The following NIPAL3 variants were observed in gnomAD, a reference collection of about 807,000 sequenced individuals.
NIPAL3 encodes NIPA-like protein 3.
NIPAL3 carries 41 observed loss-of-function variants against 47.2 expected under a neutral mutation model. The observed-to-expected ratio is 0.87, with a 90% CI of 0.68 to 1.13. The LOEUF (loss-of-function observed/expected upper bound fraction) is 1.13, where lower values mean the gene tolerates loss of function less well. NIPAL3 is among the 50% of genes most tolerant of loss of function. NIPAL3 has a pLI of 0.00. For synonymous variants in NIPAL3, 194 were observed against 209.6 expected (o/e 0.93, Z 0.64); for missense variants, 449 against 530.1 (o/e 0.85, Z 1.50).
chr1:24,443,190 A>G (rs1264675666), intron 4 of NIPAL3, among the ~76,000 whole-genome samples: 1 of 152,208 alleles, frequency 6.6e-6, no homozygotes, highest in Non-Finnish European at 1.5e-5. Context: ...AAGACAAGGG[A>G]GCTTTAATGT....
chr1:24,419,508 C>T lies in NIPAL3; in HGVS notation c.-40C>T. On this transcript the variant is annotated 5_prime_UTR_variant, in exon 2 of 12. Coordinates refer to ENST00000374399, the MANE Select transcript of NIPAL3 (RefSeq NM_020448.5). ...GGGCCCCGCCTAGCAGCAGCTCCAC[C>T]TCCTAGGCCAGGCCCTGTGGGATGC... The T allele has an allele frequency of 2.6e-6, 4 of 1,555,994 alleles. No homozygotes were observed. Among genetic ancestry groups the T allele is most frequent in the Non-Finnish European group, 3.5e-6 (4 of 1,149,546 alleles).
chr1:24,453,518 T>C lies in NIPAL3; in HGVS notation c.637+14T>C. ...TGGCGTTACTTGGTAAGTTGGCATC[T>C]GGATGATTGAGTTTTGCCACCACCA... On this transcript the variant is annotated intron_variant, in intron 7 of 11. Transcript: ENST00000374399. The C allele has an allele frequency of 6.2e-7, 1 of 1,604,002 alleles. No homozygotes were observed. Among genetic ancestry groups the C allele is most frequent in the Non-Finnish European group, 8.5e-7 (1 of 1,172,548 alleles).
At chr1:24,466,229 G>A (rs1646692850) in intron 11 of NIPAL3, 1 of 753,012 alleles carries the variant, frequency 1.3e-6, no homozygotes, top group African/African-American at 1.8e-5. Flanking sequence ...ATCAGCAGCA[G>A]ACAAGGCCAC....
At chr1:24,435,576 C>T (rs955046058) in intron 2 of NIPAL3, among the ~76,000 whole-genome samples, 3 of 152,196 alleles carry the variant, frequency 2.0e-5, no homozygotes, top group African/African-American at 7.2e-5. Context: ...AAATGTCGCA[C>T]CTATATAGCT....
Position 24,449,348 on chromosome 1 carries a change from A to C in NIPAL3, c.395-133A>C. ...AAATCATTTATTTTTTAAAGTAAAGAAAAACCAAAAATACAAACAATACCA... is the reference window on the plus strand; with the variant it reads ...AAATCATTTATTTTTTAAAGTAAAGCAAAACCAAAAATACAAACAATACCA... On this transcript the variant is annotated intron_variant, in intron 5 of 11. Transcript: ENST00000374399. This position sits in a 1 kb window ranked among gnomAD's most constrained non-coding sequence, Gnocchi z 4.5. 1.1e-6 allele frequency: 1 copy of C among 919,338 alleles called. No individual in the cohort carries two copies. The highest frequency in any genetic ancestry group is 1.5e-6 in the Non-Finnish European group (1 of 653,816). 56.9% of individuals were successfully genotyped at this position (919,338 alleles called of 1,614,324 possible). A position where few individuals can be genotyped will look rare whatever the true frequency, so the allele number is the denominator to read the frequency against.
At chr1:24,435,349 A>T (rs1645051669) in intron 2 of NIPAL3, among the ~76,000 whole-genome samples, 1 of 152,162 alleles carries the variant, frequency 6.6e-6, no homozygotes, top group Non-Finnish European at 1.5e-5. Context: ...TTTTAGATCA[A>T]GCAAGTTTTT....
At position 24,454,466 on chromosome 1, in the gene NIPAL3, C is replaced by T; in HGVS notation, c.637+962C>T. On this transcript the variant is annotated intron_variant, in intron 7 of 11. Transcript: ENST00000374399. This position sits in a 1 kb window ranked among gnomAD's most constrained non-coding sequence, Gnocchi z 4.1. ...GCTAATATGTGCATTTTTCTTCCAACCTTCCTACTGTGTGCCCTACCACCG... is the reference window on the plus strand; with the variant it reads ...GCTAATATGTGCATTTTTCTTCCAATCTTCCTACTGTGTGCCCTACCACCG... 1.0e-6 allele frequency: 1 copy of T among 998,144 alleles called. No homozygotes were observed. The highest frequency in any genetic ancestry group is 1.7e-5 in the African/African-American group (1 of 57,372). 61.8% of individuals were successfully genotyped at this position (998,144 alleles called of 1,614,324 possible).
In NIPAL3 at chr1:24,419,645, G is replaced by C. The variant is rs770929415; in HGVS notation, c.93+5G>C. On this transcript the variant is annotated splice_donor_5th_base_variant and intron_variant, in intron 2 of 11. Transcript: ENST00000374399. ...GAGGCCTCCTTCTCCTACAAGGCAAGGGCTTTTTTGGGGTTTGGGAATTTG... is the reference window on the plus strand; with the variant it reads ...GAGGCCTCCTTCTCCTACAAGGCAACGGCTTTTTTGGGGTTTGGGAATTTG... The C allele has an allele frequency of 6.2e-7, 1 of 1,612,832 alleles. No homozygotes were observed. Among genetic ancestry groups the C allele is most frequent in the Non-Finnish European group, 8.5e-7 (1 of 1,179,192 alleles).
At chr1:24,465,976 A>C (rs1646681332) in intron 11 of NIPAL3, 3 of 1,601,794 alleles carry the variant, frequency 1.9e-6, no homozygotes, top group Non-Finnish European at 2.6e-6. Flanking sequence ...CCTGGTCAGC[A>C]TTAGGATCTT....
At chr1:24,420,229 T>C (rs114182857) in intron 2 of NIPAL3, 2,477 of 152,322 alleles carry the variant, frequency 0.016, 17 homozygotes, top group Non-Finnish European at 0.025. Context: ...GGGCCAGTTG[T>C]GGTGGCTCAT....
chr1:24,468,825 T>C (rs139972982), intron 11 of NIPAL3, among the ~76,000 whole-genome samples, 161 bp from the exon 12 acceptor site: 91 of 152,332 alleles, frequency 6.0e-4, no homozygotes, highest in African/African-American at 2.1e-3. Context: ...CCAGTGTATA[T>C]TTGTGGGTGT....
intron 2 of NIPAL3, among the ~76,000 whole-genome samples, chr1:24,435,492 G>A (rs1645057615): frequency 6.6e-6 from 1 of 152,126 alleles, no homozygotes; most frequent in South Asian, 2.1e-4. Context: ...TGATTGTGCT[G>A]AGGATGACAA....
chr1:24,465,973 A>G, intron 11 of NIPAL3: 16 of 1,592,052 alleles, frequency 1.0e-5, no homozygotes, highest in Non-Finnish European at 1.4e-5. Context: ...TTCCCTGGTC[A>G]GCATTAGGAT....
Position 24,442,097 on chromosome 1 carries a change from G to A in NIPAL3, c.205G>A (p.Ala69Thr), listed in dbSNP as rs768764094. ...IRLAGSKDPR[A>T]YFKTKTWWLG... ...CCTGGCAGGCTCCAAGGATCCCCGGGCCTATTTCAAGACCAAGACATGGTG... is the reference window on the plus strand; with the variant it reads ...CCTGGCAGGCTCCAAGGATCCCCGGACCTATTTCAAGACCAAGACATGGTG... Residue 69 changes from alanine (A) to threonine (T), a missense_variant, in exon 4 of 12, where the codon GCC (alanine) becomes ACC (threonine). Transcript: ENST00000374399. 99 of 1,614,064 alleles carry A rather than the reference G, an allele frequency of 6.1e-5. No individual in the cohort carries two copies. The highest frequency in any genetic ancestry group is 1.0e-4 in the Admixed American group (6 of 60,000).
rs1224174355 is a variant in NIPAL3, at chr1:24,456,224, T to G, written c.724T>G (p.Phe242Val). 6.2e-7 allele frequency: 1 copy of G among 1,614,224 alleles called. No homozygotes were observed. The highest frequency in any genetic ancestry group is 8.5e-7 in the Non-Finnish European group (1 of 1,180,024). ...GAACCTGCAGCTTGACTACCCCATC[T>G]TCTACGTGATGTTCGTGTGCATGGT... The part of the protein sequence containing the change: ...QGNLQLDYPI[F>V]YVMFVCMVAT... Residue 242 changes from phenylalanine (F) to valine (V), a missense_variant, in exon 8 of 12, where the codon TTC (phenylalanine) becomes GTC (valine). Transcript: ENST00000374399.
Position 24,466,147 on chromosome 1 carries a change from T to C in NIPAL3, c.1021+2027T>C. 3 of 1,540,768 alleles carry C rather than the reference T, an allele frequency of 1.9e-6. No homozygotes were observed. In the South Asian group the frequency reaches 3.5e-5, roughly 18 times the overall value. On this transcript the variant is annotated intron_variant, in intron 11 of 11. Transcript: ENST00000374399. ...TGAGATCGAGAAACAGCCCCTGACC[T>C]CCAGGAACTAGCCTGGCACTCTCAG...
At chr1:24,426,331 G>A (rs1008197840) in intron 2 of NIPAL3, among the ~76,000 whole-genome samples, 2 of 149,958 alleles carry the variant, frequency 1.3e-5, no homozygotes, top group African/African-American at 4.9e-5. Context: ...GTTTCAGTCC[G>A]TCGCCCAGGC....
intron 10 of NIPAL3, 46 bp from the exon 11 acceptor site, chr1:24,463,980 T>A: frequency 6.5e-7 from 1 of 1,529,882 alleles, no homozygotes; most frequent in Non-Finnish European, 9.0e-7. Flanking sequence ...CTGCCCGACC[T>A]TGCTCCTGGC....
chr1:24,428,786 C>A (rs1352356148), intron 2 of NIPAL3, among the ~76,000 whole-genome samples: 1 of 152,162 alleles, frequency 6.6e-6, no homozygotes, highest in Non-Finnish European at 1.5e-5. Flanking sequence ...CATACATAAC[C>A]TTTTGGCCTC....
Sources: allele counts gnomAD v4.1 joint callset (sites outside exome capture counted in the v4.1 genomes callset), GRCh38; gene constraint gnomAD v4.1.1; non-coding constraint Gnocchi (gnomAD v3.1); transcripts MANE v1.5; gene names NCBI Gene and HGNC (gene_info 2026-07-23, HGNC 2026-07-21).